The following ARHGEF6 variants were observed in gnomAD, a reference collection of about 807,000 sequenced individuals.
ARHGEF6 encodes the protein Rac/Cdc42 guanine nucleotide exchange factor 6, also known as rho guanine nucleotide exchange factor 6.
ARHGEF6 carries 9 observed loss-of-function variants against 70.3 expected under a neutral mutation model. The observed-to-expected ratio is 0.13, with a 90% CI of 0.08 to 0.22. ARHGEF6 has a LOEUF of 0.22. Ranked by LOEUF, ARHGEF6 falls within the 10% of genes least tolerant of loss-of-function variation. The probability of loss-of-function intolerance (pLI) is 1.00; values close to 1 mark genes in which losing one functional copy is unlikely to be tolerated. For synonymous variants in ARHGEF6, 201 were observed against 207.8 expected, an observed-to-expected ratio of 0.97 and a Z score of 0.28; for missense variants, 470 against 563.0, an observed-to-expected ratio of 0.83 and a Z score of 1.67.
intron 7 of ARHGEF6, among the ~76,000 whole-genome samples, chrX:136,709,455 T>C (rs1295425411): frequency 8.9e-6 from 1 of 112,654 alleles, no homozygotes; most frequent in African/African-American, 3.2e-5. Flanking sequence ...TAAAACCTTA[T>C]TTTAACCTTA....
At chrX:136,779,598 G>T (rs1032528204) in intron 1 of ARHGEF6, 101 bp from the exon 2 acceptor site, 7 of 727,470 alleles carry the variant, frequency 9.6e-6, no homozygotes, top group African/African-American at 8.4e-5. Flanking sequence ...GCCTCTTAAG[G>T]TGTGGGGCAA....
At chrX:136,764,661 G>A (rs1195377252) in intron 2 of ARHGEF6, among the ~76,000 whole-genome samples, 8 of 111,437 alleles carry the variant, frequency 7.2e-5, no homozygotes, top group Non-Finnish European at 9.4e-5. Context: ...GAAGGGGCAC[G>A]AGGATAGCTT....
At chrX:136,711,655 C>T (rs1320788761) in intron 7 of ARHGEF6, among the ~76,000 whole-genome samples, 2 of 111,478 alleles carry the variant, frequency 1.8e-5, no homozygotes, top group Non-Finnish European at 3.8e-5. Flanking sequence ...CTCCGCCTAC[C>T]GAGTTCAAGC....
chrX:136,779,008 G>A (rs1439146727), intron 2 of ARHGEF6, among the ~76,000 whole-genome samples: 1 of 111,444 alleles, frequency 9.0e-6, no homozygotes, highest in Non-Finnish European at 1.9e-5. Flanking sequence ...AGCTTTTCAA[G>A]GCCTCTGTTC....
chrX:136,723,419 C>T (rs753009145), intron 6 of ARHGEF6, among the ~76,000 whole-genome samples: 12 of 111,653 alleles, frequency 1.1e-4, no homozygotes, highest in Non-Finnish European at 1.7e-4. Context: ...GGGTCATGGC[C>T]CTCAATACTC....
intron 2 of ARHGEF6, among the ~76,000 whole-genome samples, chrX:136,754,969 T>C (rs927113639): frequency 6.3e-5 from 7 of 111,760 alleles, no homozygotes; most frequent in African/African-American, 2.3e-4. Context: ...AAACAGGGAC[T>C]GACTCCCTAG....
chrX:136,747,685 A>AAG, intron 2 of ARHGEF6, 93 bp from the exon 3 acceptor site: 1 of 212,932 alleles, frequency 4.7e-6, no homozygotes, highest in Non-Finnish European at 8.0e-6. Context: ...AGCTCTCCGG[A>AAG]AAAAAAAAAA....
intron 5 of ARHGEF6, among the ~76,000 whole-genome samples, chrX:136,742,581 C>T (rs5975788): frequency 0.32 from 35,677 of 110,510 alleles, 4,564 homozygotes; most frequent in East Asian, 0.65. Flanking sequence ...GGGACATATT[C>T]TTATGTATAA....
intron 7 of ARHGEF6, among the ~76,000 whole-genome samples, chrX:136,711,960 T>C (rs2076689862): frequency 1.8e-5 from 2 of 112,840 alleles, no homozygotes; most frequent in African/African-American, 6.4e-5. Flanking sequence ...TAGATTTCCA[T>C]AGTGCCAGGA....
chrX:136,699,686 T>A (rs1211279738), intron 9 of ARHGEF6, among the ~76,000 whole-genome samples: 1 of 111,185 alleles, frequency 9.0e-6, no homozygotes, highest in Non-Finnish European at 1.9e-5. Context: ...AACACTTGCA[T>A]AGTGATTTTA....
intron 5 of ARHGEF6, among the ~76,000 whole-genome samples, chrX:136,742,332 C>A (rs776706626): frequency 2.0e-4 from 22 of 107,681 alleles, no homozygotes; most frequent in African/African-American, 4.4e-4. Flanking sequence ...ACAACAACAA[C>A]AAAAAAAAAT....
At chrX:136,698,017 T>C (rs2076529738) in intron 9 of ARHGEF6, among the ~76,000 whole-genome samples, 1 of 111,905 alleles carries the variant, frequency 8.9e-6, no homozygotes, top group Admixed American at 9.4e-5. Context: ...ATGATGACAA[T>C]GTCTCACCAC....
chrX:136,672,321 T>G (rs757031661), intron 19 of ARHGEF6, among the ~76,000 whole-genome samples: 26 of 111,781 alleles, frequency 2.3e-4, no homozygotes, highest in Non-Finnish European at 3.6e-4. Flanking sequence ...CCAAATACAC[T>G]GATTCAATCT....
At chrX:136,749,709 T>C (rs1476128016) in intron 2 of ARHGEF6, among the ~76,000 whole-genome samples, 1 of 111,691 alleles carries the variant, frequency 9.0e-6, no homozygotes, top group Non-Finnish European at 1.9e-5. Flanking sequence ...GGTTCTCTTT[T>C]GAGAAAACCC....
Position 136,672,234 on chromosome X carries a change from G to A in ARHGEF6, c.2036-115C>T, listed in dbSNP as rs910173577. On this transcript the variant is annotated intron_variant, in intron 19 of 21. Transcript: ENST00000250617. ...ACAGAAGGGTCTTTGTTCATAGCAT[G>A]TTGCTACATTACACCCAGAGGACAG... is the stretch of plus-strand genomic sequence containing the variant. 1.4e-4 allele frequency: 87 copies of A among 608,168 alleles called. No homozygotes were observed. In the East Asian group the frequency reaches 2.8e-3, roughly 19 times the overall value. The allele number at this position is 608,168 out of a possible 1,213,427, so 50.1% of individuals were successfully genotyped here.
At chrX:136,711,039 T>C (rs902946858) in intron 7 of ARHGEF6, among the ~76,000 whole-genome samples, 1 of 111,677 alleles carries the variant, frequency 9.0e-6, no homozygotes, top group South Asian at 3.7e-4. Context: ...AGGGAACACT[T>C]ACACACTGCT....
At chrX:136,668,311 G>T (rs1233679621) in intron 21 of ARHGEF6, 142 bp from the exon 22 acceptor site, 1 of 717,371 alleles carries the variant, frequency 1.4e-6, no homozygotes, top group Non-Finnish European at 2.1e-6. Context: ...TGACAAAGCA[G>T]CCTGTCGATT....
At position 136,667,998 on chromosome X, in the gene ARHGEF6, A is replaced by G. The variant is rs750769635; in HGVS notation, c.*31T>C. ...AGCGGGACATTTCAAGATGCCCTGA[A>G]GGCACACTCCACCCAGTGGCACAGT... On this transcript the variant is annotated 3_prime_UTR_variant, in exon 22 of 22. Coordinates refer to ENST00000250617, the MANE Select transcript of ARHGEF6 (RefSeq NM_004840.3). 2.0e-5 allele frequency: 24 copies of G among 1,210,413 alleles called. No homozygotes were observed. The highest frequency in any genetic ancestry group is 2.7e-5 in the Non-Finnish European group (24 of 894,352).
intron 2 of ARHGEF6, among the ~76,000 whole-genome samples, chrX:136,751,011 A>T (rs1405616630): frequency 9.0e-6 from 1 of 110,499 alleles, no homozygotes; most frequent in Non-Finnish European, 1.9e-5. Context: ...TTGTTTTTGT[A>T]TTTTTAGTAG....
Sources: gnomAD v4.1 joint callset for allele counts (sites outside exome capture counted in the v4.1 genomes callset) on GRCh38, gnomAD v4.1.1 for gene constraint, MANE v1.5 for transcripts, NCBI Gene and HGNC (gene_info 2026-07-23, HGNC 2026-07-21) for gene names.